Variants in EVI5L observed in about 807,000 individuals in gnomAD.
The protein encoded by EVI5L is EVI5-like protein.
A neutral mutation model predicts 106.1 loss-of-function variants in EVI5L; 30 were observed. That is an observed-to-expected ratio of 0.28 (90% CI 0.21 to 0.38). EVI5L has a LOEUF of 0.38. Among genes scored for constraint, EVI5L ranks in the 10% least tolerant of loss-of-function variants. The pLI is 1.00. For missense variants in EVI5L, 809 were observed against 1,098.0 expected (o/e 0.74, Z 3.72); for synonymous variants, 489 against 483.3 (o/e 1.01, Z -0.15).
intron 1 of EVI5L, among the ~76,000 whole-genome samples, chr19:7,839,765 T>A (rs515068): frequency 0.73 from 110,026 of 151,372 alleles, 40,465 homozygotes; most frequent in South Asian, 0.84. Flanking sequence ...GTCTCCAAAA[T>A]TAGAAAAATT....
chr19:7,850,763 T>C lies in EVI5L; in HGVS notation c.753+641T>C, dbSNP rs498039. On this transcript the variant is annotated intron_variant, in intron 6 of 19. Coordinates refer to ENST00000538904, the MANE Select transcript of EVI5L (RefSeq NM_001159944.3). The surrounding 1 kb of genome is among the most constrained non-coding windows in gnomAD (Gnocchi z 5.4). ...CTGGTAGTGCCACAAGCAGGAGGCC[T>C]GGGCTGCAGAGAAGGCACCACCCCA... Among the ~76,000 whole-genome samples the C allele has an allele frequency of 0.21, 31,667 of 152,112 alleles. 3,727 individuals are homozygous for C. The highest frequency in any genetic ancestry group is 0.31 in the African/African-American group (13,003 of 41,496).
intron 1 of EVI5L, 111 bp from the exon 2 acceptor site, chr19:7,846,385 G>A (rs1978948572): frequency 1.0e-5 from 10 of 986,078 alleles, no homozygotes; most frequent in South Asian, 3.4e-5. Context: ...GTGCACGGAC[G>A]GGGGTGGACC....
At chr19:7,843,812 G>A (rs1454589406) in intron 1 of EVI5L, among the ~76,000 whole-genome samples, 1 of 152,018 alleles carries the variant, frequency 6.6e-6, no homozygotes, top group Non-Finnish European at 1.5e-5. Flanking sequence ...TGAAGAGTGT[G>A]AGAGTGCATG....
chr19:7,851,395 T>G (rs771717142), intron 6 of EVI5L, 39 bp from the exon 7 acceptor site: 6 of 1,585,102 alleles, frequency 3.8e-6, no homozygotes, highest in Non-Finnish European at 5.2e-6. Context: ...TGGGAGGGCG[T>G]CCCCCTCACT....
intron 14 of EVI5L, 130 bp downstream of exon 14, chr19:7,860,819 C>A: frequency 9.2e-7 from 1 of 1,092,684 alleles, no homozygotes. Context: ...TACATATGCA[C>A]ACACACAGCA....
chr19:7,861,814 G>A, intron 14 of EVI5L, 64 bp from the exon 15 acceptor site: 1 of 1,539,802 alleles, frequency 6.5e-7, no homozygotes, highest in Middle Eastern at 1.7e-4. Context: ...GGGGGCGTTT[G>A]TCCTGCAGGA....
intron 1 of EVI5L, among the ~76,000 whole-genome samples, chr19:7,831,249 A>G (rs963729138): frequency 3.8e-4 from 57 of 150,858 alleles, no homozygotes; most frequent in Admixed American, 2.2e-3. Flanking sequence ...ACACACACAC[A>G]CACACACACA....
intron 17 of EVI5L, 55 bp from the exon 18 acceptor site, chr19:7,862,917 T>C: frequency 1.0e-5 from 10 of 960,922 alleles, no homozygotes; most frequent in Middle Eastern, 3.5e-4. Flanking sequence ...TCCCGCCCCC[T>C]GATGCGCCGC....
At chr19:7,837,998 C>G (rs576529058) in intron 1 of EVI5L, among the ~76,000 whole-genome samples, 1 of 151,928 alleles carries the variant, frequency 6.6e-6, no homozygotes, top group African/African-American at 2.4e-5. Flanking sequence ...CCCCCATGCC[C>G]GGCCAACCTT....
intron 1 of EVI5L, among the ~76,000 whole-genome samples, chr19:7,831,226 A>AACAC (rs4045095): frequency 0.048 from 6,268 of 130,250 alleles, 156 homozygotes; most frequent in Non-Finnish European, 0.063. Context: ...GAAAACCCCA[A>AACAC]ACACACACAC....
At position 7,858,377 on chromosome 19, in the gene EVI5L, C is replaced by T. The variant is rs1321771977; in HGVS notation, c.1374+46C>T. On this transcript the variant is annotated intron_variant, in intron 13 of 19. Coordinates refer to ENST00000538904, the MANE Select transcript of EVI5L (RefSeq NM_001159944.3). This position sits in a 1 kb window ranked among gnomAD's most constrained non-coding sequence, Gnocchi z 5.7. ...CTGCTGGGCGGGGCCATGACCCGCGCCCCCGCCCCCGCCCAACGGTTTTCT... is the reference window on the plus strand; with the variant it reads ...CTGCTGGGCGGGGCCATGACCCGCGTCCCCGCCCCCGCCCAACGGTTTTCT... The T allele has an allele frequency of 1.3e-6, 2 of 1,498,554 alleles. No homozygotes were observed. Among genetic ancestry groups the T allele is most frequent in the South Asian group, 1.3e-5 (1 of 78,548 alleles). The allele number at this position is 1,498,554 out of a possible 1,614,324, so 92.8% of individuals were successfully genotyped here. A position where few individuals can be genotyped will look rare whatever the true frequency, so the allele number is the denominator to read the frequency against.
At position 7,848,901 on chromosome 19, in the gene EVI5L, C is replaced by G; in HGVS notation, c.328-20C>G. On this transcript the variant is annotated intron_variant, in intron 3 of 19. Coordinates refer to ENST00000538904, the MANE Select transcript of EVI5L (RefSeq NM_001159944.3). The surrounding 1 kb of genome is among the most constrained non-coding windows in gnomAD (Gnocchi z 4.8). ...GCGCTGGGACCGAGTCCAGCCCCCG[C>G]TTCCCGCTCCCGTGGCCAGGAGCTG... The G allele has an allele frequency of 1.9e-6, 3 of 1,600,506 alleles. No individual in the cohort carries two copies. The highest frequency in any genetic ancestry group is 2.6e-6 in the Non-Finnish European group (3 of 1,170,482).
intron 14 of EVI5L, 112 bp downstream of exon 14, chr19:7,860,801 C>A: frequency 8.0e-7 from 1 of 1,242,880 alleles, no homozygotes; most frequent in Non-Finnish European, 1.1e-6. Flanking sequence ...CCCATGCACA[C>A]ACAACCATAC....
Position 7,863,471 on chromosome 19 carries a change from C to G in EVI5L, c.2187C>G (p.Phe729Leu). Residue 729 changes from phenylalanine to leucine, a missense_variant, in exon 20 of 20, where the codon TTC becomes TTG. This residue lies in a region of EVI5L where 452 missense variants were observed against 509.9 expected (regional missense o/e 0.89). Transcript: ENST00000538904. This position sits in a 1 kb window ranked among gnomAD's most constrained non-coding sequence, Gnocchi z 7.7. ...CGCCCTTCGAGGACCCGCTGGCTTT[C>G]GATGGGCTGAGCCTGGCGCGGCACT... ...GPPPFEDPLA[F>L]DGLSLARHLD... is the part of the protein sequence containing the mutation. The G allele has an allele frequency of 6.4e-7, 1 of 1,568,228 alleles. No homozygotes were observed. The highest frequency in any genetic ancestry group is 8.6e-7 in the Non-Finnish European group (1 of 1,158,014).
chr19:7,830,374 C>A lies in EVI5L; in HGVS notation c.-55C>A. ...CTCGGCACGGAGATGGCGGCGCGCT[C>A]GGCGCAGGTAGGGCGGCGCGGGCCG... On this transcript the variant is annotated 5_prime_UTR_variant, in exon 1 of 20. The change creates a premature stop within an existing upstream ORF in the 5' untranslated region. Coordinates refer to ENST00000538904, the MANE Select transcript of EVI5L (RefSeq NM_001159944.3). 6.6e-6 allele frequency: 1 copy of A among 151,312 alleles called. No individual in the cohort carries two copies. Among genetic ancestry groups the A allele is most frequent in the South Asian group, 1.8e-4 (1 of 5,448 alleles). The allele number at this position is 151,312 out of a possible 1,614,324, so 9.4% of individuals were successfully genotyped here. A position where few individuals can be genotyped will look rare whatever the true frequency, so the allele number is the denominator to read the frequency against.
rs1555692196 is a variant in EVI5L at position 7,843,384 on chromosome 19, A to AGTGTGCAT, written c.-47-3107_-47-3106insCATGTGTG. On this transcript the variant is annotated intron_variant, in intron 1 of 19. Coordinates refer to ENST00000538904, the MANE Select transcript of EVI5L (RefSeq NM_001159944.3). ...TGTGAGAATAGGCATGGGTGTGTCG[A>AGTGTGCAT]GTGTGTGCATAGGTGTGTGAGTGTG... is the stretch of plus-strand genomic sequence containing the variant. Among the ~76,000 whole-genome samples, 7 of 24,938 alleles carry AGTGTGCAT rather than the reference A, an allele frequency of 2.8e-4. 1 individual carries two copies. In the East Asian group the frequency reaches 5.2e-3, roughly 19 times the overall value. The allele number at this position is 24,938 out of a possible 152,430, so 16.4% of individuals were successfully genotyped here.
chr19:7,851,868 G>C (rs1443420639), intron 8 of EVI5L, 98 bp downstream of exon 8: 1 of 1,104,992 alleles, frequency 9.0e-7, no homozygotes, highest in Non-Finnish European at 1.2e-6. Flanking sequence ...CGGCTTCGAG[G>C]GTGGAAGGTG....
chr19:7,842,282 TG>T (rs2098333605), intron 1 of EVI5L, among the ~76,000 whole-genome samples: 1 of 151,144 alleles, frequency 6.6e-6, no homozygotes, highest in South Asian at 2.1e-4. Flanking sequence ...TGAATGTGCA[TG>T]GGTATGTATC....
intron 16 of EVI5L, 32 bp downstream of exon 16, chr19:7,862,309 G>A (rs1568245786): frequency 6.3e-7 from 1 of 1,582,864 alleles, no homozygotes; most frequent in African/African-American, 1.3e-5. Flanking sequence ...GTTGGGGAAG[G>A]GGCGTGGTGT....
Sources: gnomAD v4.1 joint callset for allele counts (sites outside exome capture counted in the v4.1 genomes callset) on GRCh38, gnomAD v4.1.1 for gene constraint, gnomAD v4.1.1 regional missense constraint, Gnocchi (gnomAD v3.1) non-coding constraint, MANE v1.5 for transcripts, NCBI Gene and HGNC (gene_info 2026-07-23, HGNC 2026-07-21) for gene names.